Variants in TTC6 observed in about 807,000 individuals in gnomAD.
TTC6 encodes tetratricopeptide repeat protein 6.
A neutral mutation model predicts 210.4 loss-of-function variants in TTC6; 172 were observed. The observed-to-expected ratio is 0.82, with a 90% CI of 0.72 to 0.93. The LOEUF (loss-of-function observed/expected upper bound fraction) is 0.93, where lower values mean the gene tolerates loss of function less well. Ranked by LOEUF, TTC6 falls within the 40% of genes least tolerant of loss-of-function variation. The pLI, the probability that TTC6 is intolerant of heterozygous loss-of-function variation, is 0.00. For missense variants in TTC6, 2,414 were observed against 2,318.1 expected (o/e 1.04, Z -0.85); for synonymous variants, 804 against 819.6 (o/e 0.98, Z 0.32).
intron 14 of TTC6, among the ~76,000 whole-genome samples, chr14:37,778,800 G>A (rs999950182): frequency 6.6e-6 from 1 of 152,108 alleles, no homozygotes; most frequent in Non-Finnish European, 1.5e-5. Context: ...GCCACCCTGG[G>A]GTCCTGGGAG....
At chr14:37,760,749 C>A (rs1211644394) in intron 14 of TTC6, among the ~76,000 whole-genome samples, 5 of 152,206 alleles carry the variant, frequency 3.3e-5, no homozygotes, top group Non-Finnish European at 5.9e-5. Flanking sequence ...AGTCTGGCCA[C>A]AGCCGCTTTG....
intron 18 of TTC6, among the ~76,000 whole-genome samples, chr14:37,795,737 T>C (rs2096091267): frequency 6.6e-6 from 1 of 152,112 alleles, no homozygotes; most frequent in Non-Finnish European, 1.5e-5. Context: ...GCTAATTCAG[T>C]GAAAAGAAGT....
At chr14:37,685,935 A>G (rs1389731148) in intron 3 of TTC6, among the ~76,000 whole-genome samples, 1 of 152,202 alleles carries the variant, frequency 6.6e-6, no homozygotes, top group Non-Finnish European at 1.5e-5. Flanking sequence ...TGACTCATTA[A>G]AAGAATTGTG....
Position 37,682,893 on chromosome 14 carries a change from G to T in TTC6, c.1186G>T (p.Glu396Ter), listed in dbSNP as rs1477185296. 1 of 1,535,650 alleles carries T rather than the reference G, an allele frequency of 6.5e-7. No homozygotes were observed. The highest frequency in any genetic ancestry group is 1.2e-5 in the South Asian group (1 of 84,040). The change falls in exon 3 of 31, where the codon GAA becomes TAA. Residue 396 changes from glutamate (E) to a stop codon, truncating the protein, a stop_gained. Coordinates refer to ENST00000553443, the Ensembl canonical transcript of TTC6. LOFTEE classifies it high-confidence loss of function. ...AATTTCGCAAGTTCAGCCAGCAGAG[G>T]AATTAAGTAAACCTTTGGAAGATGG...
chr14:37,825,630 A>G (rs913952116), intron 27 of TTC6, among the ~76,000 whole-genome samples: 1 of 151,986 alleles, frequency 6.6e-6, no homozygotes, highest in African/African-American at 2.4e-5. Context: ...TTTCTTTTCC[A>G]GTTGGTATAA....
At chr14:37,796,202 A>AT in intron 18 of TTC6, 92 bp from the exon 21 acceptor site, 1 of 537,050 alleles carries the variant, frequency 1.9e-6, no homozygotes, top group South Asian at 2.4e-5. Flanking sequence ...GAATGAATAT[A>AT]TTGTAAAATT....
At chr14:37,713,194 T>C (rs1419295590) in intron 5 of TTC6, among the ~76,000 whole-genome samples, 1 of 152,196 alleles carries the variant, frequency 6.6e-6, no homozygotes, top group Non-Finnish European at 1.5e-5. Context: ...AAGTCATAAC[T>C]GGAACACTGC....
At chr14:37,820,204 A>C (rs1412876763) in intron 26 of TTC6, among the ~76,000 whole-genome samples, 1 of 152,088 alleles carries the variant, frequency 6.6e-6, no homozygotes, top group African/African-American at 2.4e-5. Context: ...TTCCTGGTCT[A>C]TTGGTGCAGG....
In TTC6 at chr14:37,787,453, A is replaced by AC; in HGVS notation, c.3267-14dup. 6.7e-7 allele frequency: 1 copy of AC among 1,482,280 alleles called. No homozygotes were observed. The highest frequency in any genetic ancestry group is 9.0e-7 in the Non-Finnish European group (1 of 1,114,558). 91.8% of individuals were successfully genotyped at this position (1,482,280 alleles called of 1,614,324 possible). A position where few individuals can be genotyped will look rare whatever the true frequency, so the allele number is the denominator to read the frequency against. On this transcript the variant is annotated splice_polypyrimidine_tract_variant and intron_variant, in intron 14 of 30. Coordinates refer to ENST00000553443, the Ensembl canonical transcript of TTC6. ...TACTTTACAGTACTTGTTAAAACAA[A>AC]CTTTTTTTTCCTAGGACATACCGAG...
At chr14:37,728,095 C>T (rs1316940280) in intron 7 of TTC6, among the ~76,000 whole-genome samples, 1 of 152,048 alleles carries the variant, frequency 6.6e-6, no homozygotes, top group Non-Finnish European at 1.5e-5. Flanking sequence ...TTTTTGTTTG[C>T]CAAGTGGGTC....
At position 37,764,595 on chromosome 14, in the gene TTC6, T is replaced by C. The variant is rs1440949420; in HGVS notation, c.3266+11360T>C. 6.6e-5 allele frequency among the ~76,000 whole-genome samples: 10 copies of C among 152,280 alleles called. No homozygotes were observed. In the East Asian group the frequency reaches 1.7e-3, roughly 26 times the overall value. Reference sequence around the variant, plus strand: ...GATATTAGCAAAGCTACTCCCACTCTCTTTTGGCTAATATTTGTGTGGAAT... The same window carrying C: ...GATATTAGCAAAGCTACTCCCACTCCCTTTTGGCTAATATTTGTGTGGAAT... On this transcript the variant is annotated intron_variant, in intron 14 of 30. Transcript: ENST00000553443.
intron 26 of TTC6, among the ~76,000 whole-genome samples, 194 bp downstream of exon 28, chr14:37,817,845 C>T (rs1409143084): frequency 2.6e-5 from 4 of 152,156 alleles, no homozygotes; most frequent in African/African-American, 9.7e-5. Flanking sequence ...TTCCTCAGCA[C>T]CCTTCTGCCT....
intron 1 of TTC6, among the ~76,000 whole-genome samples, chr14:37,659,328 G>A (rs1476430522): frequency 1.3e-5 from 2 of 152,048 alleles, no homozygotes; most frequent in Non-Finnish European, 2.9e-5. Context: ...TTGAATGGTA[G>A]TTCTGTTTTT....
intron 15 of TTC6, among the ~76,000 whole-genome samples, chr14:37,787,887 GTC>G (rs918195083): frequency 1.6e-4 from 14 of 88,200 alleles, no homozygotes; most frequent in South Asian, 4.8e-4. Context: ...GTGTGTGTGT[GTC>G]TGTGTGTGTG....
In TTC6 at chr14:37,805,624, C is replaced by T. The variant is rs976933973; in HGVS notation, c.4165-737C>T. Among the ~76,000 whole-genome samples the T allele has an allele frequency of 2.0e-4, 30 of 152,290 alleles. No homozygotes were observed. In the South Asian group the frequency reaches 2.1e-3, roughly 11 times the overall value. ...ACATGTTTTTAGTCCTTTTGAACAACCAGAGCAAACTCAGCTTTGCTTTAA... is the reference window on the plus strand; with the variant it reads ...ACATGTTTTTAGTCCTTTTGAACAATCAGAGCAAACTCAGCTTTGCTTTAA... On this transcript the variant is annotated intron_variant, in intron 21 of 30. Transcript: ENST00000553443.
intron 29 of TTC6, chr14:37,827,831 A>T (rs1194504410): frequency 2.0e-5 from 3 of 153,730 alleles, no homozygotes; most frequent in African/African-American, 7.2e-5. Context: ...TTTGCATGTC[A>T]TCCTTGCACA....
At chr14:37,836,117 G>A (rs1162891177) in intron 29 of TTC6, among the ~76,000 whole-genome samples, 2 of 152,120 alleles carry the variant, frequency 1.3e-5, no homozygotes, top group Non-Finnish European at 2.9e-5. Context: ...ATCCTCAGCC[G>A]AGCTTTCTTC....
chr14:37,619,241 G>A (rs1030053693), upstream of TTC6, among the ~76,000 whole-genome samples: 1 of 152,128 alleles, frequency 6.6e-6, no homozygotes, highest in African/African-American at 2.4e-5. Flanking sequence ...AGTCAGTCAT[G>A]GAGCTAGGTA....
chr14:37,731,186 G>C (rs2095885085), intron 7 of TTC6, among the ~76,000 whole-genome samples: 1 of 152,066 alleles, frequency 6.6e-6, no homozygotes, highest in Admixed American at 6.6e-5. Context: ...CTTGCTTTAT[G>C]GGCTTTTCTG....
Sources: gnomAD v4.1 joint callset for allele counts (sites outside exome capture counted in the v4.1 genomes callset) on GRCh38, gnomAD v4.1.1 for gene constraint, MANE v1.5 for transcripts, NCBI Gene and HGNC (gene_info 2026-07-23, HGNC 2026-07-21) for gene names.